Variants in WDR59 observed in about 807,000 individuals in gnomAD.
WDR59 encodes the protein GATOR2 complex protein WDR59.
Under a neutral mutation model 131.2 loss-of-function variants are expected in WDR59, and 100 were observed. That is an observed-to-expected ratio of 0.76 (90% CI 0.65 to 0.90). WDR59 has a LOEUF of 0.90. Ranked by LOEUF, WDR59 falls within the 40% of genes least tolerant of loss-of-function variation. The pLI is 0.00. For synonymous variants in WDR59, 601 were observed against 466.2 expected (o/e 1.29, Z -3.72); for missense variants, 1,203 against 1,262.2 (o/e 0.95, Z 0.71).
At chr16:74,886,877 C>A (rs760937091) in intron 23 of WDR59, among the ~76,000 whole-genome samples, 1 of 152,172 alleles carries the variant, frequency 6.6e-6, no homozygotes, top group Non-Finnish European at 1.5e-5. Flanking sequence ...GAGCCGAGAT[C>A]ATGCCATTGC....
At chr16:74,901,565 C>T (rs190005589) in intron 18 of WDR59, among the ~76,000 whole-genome samples, 2 of 151,842 alleles carry the variant, frequency 1.3e-5, no homozygotes, top group African/African-American at 4.8e-5. Context: ...ATCACTCGAG[C>T]CCAGGAGTCT....
At chr16:74,896,527 C>T (rs747876941) in intron 18 of WDR59, among the ~76,000 whole-genome samples, 4 of 151,674 alleles carry the variant, frequency 2.6e-5, no homozygotes, top group East Asian at 1.9e-4. Flanking sequence ...CCCAGCTATT[C>T]GGGAGGCTGA....
chr16:74,914,605 T>G (rs1442973055), intron 13 of WDR59, among the ~76,000 whole-genome samples: 1 of 151,984 alleles, frequency 6.6e-6, no homozygotes, highest in Non-Finnish European at 1.5e-5. Flanking sequence ...TTTTTTTTTT[T>G]TTTTTCGAGA....
At chr16:74,937,266 G>A (rs1029611945) in intron 8 of WDR59, among the ~76,000 whole-genome samples, 1 of 152,164 alleles carries the variant, frequency 6.6e-6, no homozygotes, top group Non-Finnish European at 1.5e-5. Flanking sequence ...ATAAAATCTT[G>A]AGCATTTCCT....
At chr16:74,923,793 T>A in intron 9 of WDR59, 133 bp downstream of exon 9, 2 of 803,594 alleles carry the variant, frequency 2.5e-6, no homozygotes, top group Non-Finnish European at 3.9e-6. Context: ...TTATCACGTT[T>A]GTCCCACCAC....
At chr16:74,980,675 TAA>T (rs1043226814) in intron 1 of WDR59, among the ~76,000 whole-genome samples, 48 of 152,196 alleles carry the variant, frequency 3.2e-4, no homozygotes, top group African/African-American at 1.1e-3. Flanking sequence ...GTTTTAATTT[TAA>T]AAAATTATTT....
At chr16:74,921,537 T>A (rs2030230302) in intron 10 of WDR59, among the ~76,000 whole-genome samples, 1 of 152,092 alleles carries the variant, frequency 6.6e-6, no homozygotes, top group South Asian at 2.1e-4. Context: ...TACATGCTTG[T>A]GAAGACAACT....
intron 25 of WDR59, among the ~76,000 whole-genome samples, chr16:74,876,160 A>G (rs889240280): frequency 6.6e-6 from 1 of 152,188 alleles, no homozygotes; most frequent in Non-Finnish European, 1.5e-5. Flanking sequence ...CAGAAAAAAA[A>G]GGCCAATAAA....
intron 6 of WDR59, among the ~76,000 whole-genome samples, chr16:74,943,322 T>G (rs886122016): frequency 6.6e-6 from 1 of 151,808 alleles, no homozygotes. Flanking sequence ...TAAGCCCCGA[T>G]GTTGACCAAT....
intron 10 of WDR59, 72 bp downstream of exon 10, chr16:74,921,875 A>ATGGCAACACTGAC: frequency 6.5e-7 from 1 of 1,534,920 alleles, no homozygotes; most frequent in Non-Finnish European, 8.8e-7. Flanking sequence ...ACTGGACTCC[A>ATGGCAACACTGAC]TGGCAACACT....
chr16:74,881,142 AG>A (rs1241138586), intron 25 of WDR59, among the ~76,000 whole-genome samples: 1 of 152,214 alleles, frequency 6.6e-6, no homozygotes, highest in African/African-American at 2.4e-5. Flanking sequence ...ACTTTCTTTA[AG>A]GGAATACTCT....
At chr16:74,886,783 C>T (rs1297394640) in intron 23 of WDR59, among the ~76,000 whole-genome samples, 2 of 151,996 alleles carry the variant, frequency 1.3e-5, no homozygotes, top group Non-Finnish European at 2.9e-5. Context: ...ATTAGCTGGG[C>T]GTACTGGTGC....
chr16:74,946,740 A>G (rs573437521), intron 6 of WDR59, among the ~76,000 whole-genome samples: 91 of 151,038 alleles, frequency 6.0e-4, no homozygotes, highest in African/African-American at 2.2e-3. Context: ...AAGAAAAAAG[A>G]AAGAAAGAAG....
At chr16:74,958,576 G>T (rs76757023) in intron 2 of WDR59, among the ~76,000 whole-genome samples, 7,175 of 58,212 alleles carry the variant, frequency 0.12, 253 homozygotes, top group African/African-American at 0.14. Flanking sequence ...CTGGGGGACA[G>T]GCTGAGACTC....
chr16:74,956,685 G>A, intron 2 of WDR59, 75 bp from the exon 3 acceptor site: 2 of 1,540,962 alleles, frequency 1.3e-6, no homozygotes, highest in Non-Finnish European at 1.8e-6. Flanking sequence ...AGCACAATTG[G>A]AATTGCATAC....
rs187919000 is a variant in WDR59 at position 74,985,065 on chromosome 16, G to T, written c.-48C>A. The T allele has an allele frequency of 2.3e-4, 324 of 1,422,762 alleles. 5 individuals are homozygous for T. The East Asian group carries it at 7.1e-3, about 31-fold the overall frequency. The allele number at this position is 1,422,762 out of a possible 1,614,324, so 88.1% of individuals were successfully genotyped here. ...CCCCAGGACGGCGCCCTCCCACCCC[G>T]CCGTCCCCAGTATCCCGGGACCGTG... On this transcript the variant is annotated 5_prime_UTR_variant, in exon 1 of 26. Coordinates refer to ENST00000262144, the MANE Select transcript of WDR59 (RefSeq NM_030581.4).
intron 4 of WDR59, 171 bp from the exon 5 acceptor site, chr16:74,949,969 G>A (rs1314633052): frequency 4.3e-6 from 3 of 693,168 alleles, no homozygotes; most frequent in Non-Finnish European, 7.9e-6. Context: ...ACATGAGTTT[G>A]GAAGGAAACT....
At chr16:74,924,578 G>A (rs1462198443) in intron 8 of WDR59, among the ~76,000 whole-genome samples, 1 of 152,132 alleles carries the variant, frequency 6.6e-6, no homozygotes, top group Non-Finnish European at 1.5e-5. Flanking sequence ...CAACATCTGA[G>A]GTGCAGTTCT....
intron 1 of WDR59, among the ~76,000 whole-genome samples, chr16:74,984,192 G>A (rs1050372732): frequency 3.3e-5 from 5 of 152,190 alleles, no homozygotes; most frequent in Admixed American, 1.3e-4. Context: ...CAGGAGAATT[G>A]CTTGAATCCC....
Sources: allele counts gnomAD v4.1 joint callset (sites outside exome capture counted in the v4.1 genomes callset), GRCh38; gene constraint gnomAD v4.1.1; transcripts MANE v1.5; gene names NCBI Gene and HGNC (gene_info 2026-07-23, HGNC 2026-07-21).